The following CELSR1 variants were observed in gnomAD, a reference collection of about 807,000 sequenced individuals.
The protein encoded by CELSR1 is cadherin EGF LAG seven-pass G-type receptor 1, also known as adhesion G protein-coupled receptor C1.
CELSR1 carries 110 observed loss-of-function variants against 249.1 expected under a neutral mutation model. That is an observed-to-expected ratio of 0.44 (90% CI 0.38 to 0.52). CELSR1 has a LOEUF of 0.52. CELSR1 is among the 20% of genes least tolerant of loss of function. The pLI is 0.00. For synonymous variants in CELSR1, 2,113 were observed against 1,900.0 expected, an observed-to-expected ratio of 1.11 and a Z score of -2.92; for missense variants, 4,109 against 4,296.4, an observed-to-expected ratio of 0.96 and a Z score of 1.22.
At chr22:46,531,183 C>G (rs1010647736) in intron 1 of CELSR1, among the ~76,000 whole-genome samples, 2 of 123,394 alleles carry the variant, frequency 1.6e-5, no homozygotes, top group Non-Finnish European at 1.8e-5. Context: ...TTCTGCGCAT[C>G]CTTTTATTTA....
intron 1 of CELSR1, among the ~76,000 whole-genome samples, chr22:46,479,499 T>C (rs2080244708): frequency 6.6e-6 from 1 of 151,830 alleles, no homozygotes; most frequent in Admixed American, 6.6e-5. Context: ...ACTGCAGCCA[T>C]GTCCCCCACA....
rs2079573282 is a variant in CELSR1 at position 46,429,732 on chromosome 22, G to C, written c.4611+3661C>G. Reference sequence around the variant, plus strand: ...GTGAGGGAGGGGAGGGGTGTCAGGAGGGTCCCTGGTTAGCTGTGCCCCTCC... The same window carrying C: ...GTGAGGGAGGGGAGGGGTGTCAGGACGGTCCCTGGTTAGCTGTGCCCCTCC... On this transcript the variant is annotated intron_variant, in intron 5 of 34. Coordinates refer to ENST00000674500, the MANE Select transcript of CELSR1 (RefSeq NM_001378328.1). This position sits in a 1 kb window ranked among gnomAD's most constrained non-coding sequence, Gnocchi z 4.1. 6.6e-6 allele frequency among the ~76,000 whole-genome samples: 1 copy of C among 152,216 alleles called. No homozygotes were observed.
chr22:46,363,333 C>A lies in CELSR1; in HGVS notation c.9036-86G>T. 1.7e-6 allele frequency: 2 copies of A among 1,150,874 alleles called. No homozygotes were observed. The highest frequency in any genetic ancestry group is 1.3e-6 in the Non-Finnish European group (1 of 788,854). 71.3% of individuals were successfully genotyped at this position (1,150,874 alleles called of 1,614,324 possible). A position where few individuals can be genotyped will look rare whatever the true frequency, so the allele number is the denominator to read the frequency against. On this transcript the variant is annotated intron_variant, in intron 34 of 34. Transcript: ENST00000674500. This position sits in a 1 kb window ranked among gnomAD's most constrained non-coding sequence, Gnocchi z 4.3. The stretch of plus-strand genomic sequence containing the variant: ...GGCCCAAGGTTGTCACACGGGGGGG[C>A]AGGATCACCCCATCAGGGTAGAGGG...
rs2079316902 is a variant in CELSR1, at chr22:46,410,235, C to G, written c.4933+163G>C. ...AACTGCGGAGATGCACATCTCCAGC[C>G]TGGACTCCGGGTTCCATCCCAGGAG... On this transcript the variant is annotated intron_variant, in intron 7 of 34. Transcript: ENST00000674500. The surrounding 1 kb of genome is among the most constrained non-coding windows in gnomAD (Gnocchi z 6.8). Among the ~76,000 whole-genome samples, 3 of 152,356 alleles carry G rather than the reference C, an allele frequency of 2.0e-5. No homozygotes were observed. The South Asian group carries it at 6.2e-4, about 32-fold the overall frequency.
chr22:46,414,190 C>T (rs16995207), intron 5 of CELSR1, among the ~76,000 whole-genome samples: 2,918 of 152,310 alleles, frequency 0.019, 105 homozygotes, highest in African/African-American at 0.067. Flanking sequence ...TGAATCAGAG[C>T]AGCAGGCACA....
chr22:46,410,664 A>G lies in CELSR1; in HGVS notation c.4770-103T>C. The G allele has an allele frequency of 8.3e-7, 1 of 1,202,150 alleles. No homozygotes were observed. The highest frequency in any genetic ancestry group is 2.5e-5 in the East Asian group (1 of 40,634). The allele number at this position is 1,202,150 out of a possible 1,614,324, so 74.5% of individuals were successfully genotyped here. ...CTGTGTAGCCTCTACCACCATAACT[A>G]CTTCAGAAACCAAGCAGACAGGCGG... On this transcript the variant is annotated intron_variant, in intron 6 of 34. Transcript: ENST00000674500. This position sits in a 1 kb window ranked among gnomAD's most constrained non-coding sequence, Gnocchi z 6.8.
chr22:46,377,943 C>G (rs2078936616), intron 23 of CELSR1, among the ~76,000 whole-genome samples: 1 of 152,214 alleles, frequency 6.6e-6, no homozygotes, highest in South Asian at 2.1e-4. Context: ...GGAGGCTACC[C>G]AGGCCCCTGG....
rs2080636440 is a variant in CELSR1 at position 46,517,171 on chromosome 22, G to A, written c.3544+16456C>T. Among the ~76,000 whole-genome samples, 1 of 152,242 alleles carries A rather than the reference G, an allele frequency of 6.6e-6. No individual in the cohort carries two copies. Among genetic ancestry groups the A allele is most frequent in the East Asian group, 1.9e-4 (1 of 5,196 alleles). ...CCCCACTGCCTCAGTTTTCCCAGCT[G>A]CAGAGCATGGAGCTGCCAGGTGCAA... is the stretch of plus-strand genomic sequence containing the variant. On this transcript the variant is annotated intron_variant, in intron 1 of 34. Coordinates refer to ENST00000674500, the MANE Select transcript of CELSR1 (RefSeq NM_001378328.1). This position sits in a 1 kb window ranked among gnomAD's most constrained non-coding sequence, Gnocchi z 5.4.
chr22:46,516,920 G>A (rs1348707907), intron 1 of CELSR1, among the ~76,000 whole-genome samples: 1 of 152,156 alleles, frequency 6.6e-6, no homozygotes, highest in Admixed American at 6.5e-5. Flanking sequence ...ACTGACCCAT[G>A]CCCAGAATCC....
chr22:46,474,785 C>CTGCTTTTTTT (rs1555925990), intron 1 of CELSR1, among the ~76,000 whole-genome samples: 2 of 45,184 alleles, frequency 4.4e-5, no homozygotes, highest in Non-Finnish European at 8.4e-5. Context: ...CTACTCTCTA[C>CTGCTTTTTTT]TTCTTTTTTT....
chr22:46,435,893 G>GT (rs2079653949), intron 4 of CELSR1, among the ~76,000 whole-genome samples: 1 of 151,708 alleles, frequency 6.6e-6, no homozygotes, highest in Non-Finnish European at 1.5e-5. Flanking sequence ...TACAGAGGGG[G>GT]TTTCACCATG....
rs2079290638 is a variant in CELSR1, at chr22:46,408,379, TGG to T, written c.5226+615_5226+616del. Among the ~76,000 whole-genome samples, 1 of 152,196 alleles carries T rather than the reference TGG, an allele frequency of 6.6e-6. No individual in the cohort carries two copies. Among genetic ancestry groups the T allele is most frequent in the South Asian group, 2.1e-4 (1 of 4,832 alleles). On this transcript the variant is annotated intron_variant, in intron 9 of 34. Coordinates refer to ENST00000674500, the MANE Select transcript of CELSR1 (RefSeq NM_001378328.1). This position sits in a 1 kb window ranked among gnomAD's most constrained non-coding sequence, Gnocchi z 4.6. Reference sequence around the variant, plus strand: ...GGAGTCTCTGTCTTGTCGTCCAGACTGGAGTGTGGTGACACGTTCTCGGGTCA... The same window carrying T: ...GGAGTCTCTGTCTTGTCGTCCAGACTAGTGTGGTGACACGTTCTCGGGTCA...
Position 46,374,823 on chromosome 22 carries a change from A to T in CELSR1, c.7585-1766T>A, listed in dbSNP as rs6008782. Among the ~76,000 whole-genome samples the T allele has an allele frequency of 4.2e-4, 64 of 152,144 alleles. No individual in the cohort carries two copies. The highest frequency in any genetic ancestry group is 1.0e-4 in the Non-Finnish European group (7 of 68,008). Reference sequence around the variant, plus strand: ...ATTGCGGGGATGCGCCCGGCTGCGGATGTGAAGAAACCCCTCCGCAGGAGC... The same window carrying T: ...ATTGCGGGGATGCGCCCGGCTGCGGTTGTGAAGAAACCCCTCCGCAGGAGC... On this transcript the variant is annotated intron_variant, in intron 24 of 34. Transcript: ENST00000674500. This position sits in a 1 kb window ranked among gnomAD's most constrained non-coding sequence, Gnocchi z 4.3.
intron 1 of CELSR1, among the ~76,000 whole-genome samples, chr22:46,529,920 A>G (rs902493659): frequency 2.0e-5 from 3 of 152,204 alleles, no homozygotes; most frequent in Non-Finnish European, 2.9e-5. Flanking sequence ...TTTATAACAC[A>G]AAGGATAAAT....
chr22:46,443,498 C>G (rs1400655085), intron 2 of CELSR1, among the ~76,000 whole-genome samples: 1 of 152,250 alleles, frequency 6.6e-6, no homozygotes, highest in African/African-American at 2.4e-5. Context: ...TACCACTCCC[C>G]GCTATGGGGG....
In CELSR1 at chr22:46,535,744, G is replaced by A. The variant is rs758958784; in HGVS notation, c.1427C>T (p.Thr476Met). 34 of 1,612,560 alleles carry A rather than the reference G, an allele frequency of 2.1e-5. No individual in the cohort carries two copies. Among genetic ancestry groups the A allele is most frequent in the Non-Finnish European group, 2.8e-5 (33 of 1,180,012 alleles). Residue 476 changes from threonine (T) to methionine (M), a missense_variant, in exon 1 of 35, where the codon ACG (threonine) becomes ATG (methionine). Physicochemically the swap from Thr to Met is moderately conservative, Grantham distance 81. Around this residue, in one of 7 missense-constraint regions of CELSR1, gnomAD observed 135 missense variants for 190.0 expected, o/e 0.71. Coordinates refer to ENST00000674500, the MANE Select transcript of CELSR1 (RefSeq NM_001378328.1). The stretch of plus-strand genomic sequence containing the variant: ...CGTGGCCTGCACTCGCAGCACAGCC[G>A]TGTTGAGCCCCACGTCCTCGGGCAC... ...VQVPEDVGLNTAVLRVQATDR... is the reference protein window; with the variant it reads ...VQVPEDVGLNMAVLRVQATDR...
At chr22:46,383,651 T>G (rs1368122673) in intron 20 of CELSR1, among the ~76,000 whole-genome samples, 1 of 152,136 alleles carries the variant, frequency 6.6e-6, no homozygotes, top group African/African-American at 2.4e-5. Flanking sequence ...CTCAGCCTCC[T>G]GAGTAGGTGG....
chr22:46,436,646 T>TC lies in CELSR1; in HGVS notation c.4407-358dup, dbSNP rs1313334455. 6.6e-6 allele frequency among the ~76,000 whole-genome samples: 1 copy of TC among 151,944 alleles called. No homozygotes were observed. Among genetic ancestry groups the TC allele is most frequent in the African/African-American group, 2.4e-5 (1 of 41,364 alleles). On this transcript the variant is annotated intron_variant, in intron 3 of 34. Transcript: ENST00000674500. The surrounding 1 kb of genome is among the most constrained non-coding windows in gnomAD (Gnocchi z 5.9). Reference sequence around the variant, plus strand: ...TACATTTTCTGCTGCTGTGAACAGATCCCCCCGTGTGTGCGCCAGGGCATG... The same window carrying TC: ...TACATTTTCTGCTGCTGTGAACAGATCCCCCCCGTGTGTGCGCCAGGGCATG...
At chr22:46,494,423 G>T (rs554909978) in intron 1 of CELSR1, among the ~76,000 whole-genome samples, 6 of 152,230 alleles carry the variant, frequency 3.9e-5, no homozygotes, top group African/African-American at 1.2e-4. Context: ...AGACCAGTCT[G>T]GGAAGAAATG....
Sources: gnomAD v4.1 joint callset for allele counts (sites outside exome capture counted in the v4.1 genomes callset) on GRCh38, gnomAD v4.1.1 for gene constraint, gnomAD v4.1.1 regional missense constraint, Gnocchi (gnomAD v3.1) non-coding constraint, MANE v1.5 for transcripts, NCBI Gene and HGNC (gene_info 2026-07-23, HGNC 2026-07-21) for gene names.